The following CACNA2D3 variants were observed in gnomAD, a reference collection of about 807,000 sequenced individuals.
The protein encoded by CACNA2D3 is voltage-dependent calcium channel subunit alpha-2/delta-3.
In CACNA2D3, 60 loss-of-function variants were observed where a neutral mutation model predicts 160.6. The ratio of observed to expected loss-of-function variants is 0.37; its 90% CI spans 0.30 to 0.46. The LOEUF is 0.46. Ranked by LOEUF, CACNA2D3 falls within the 20% of genes least tolerant of loss-of-function variation. The pLI, the probability that CACNA2D3 is intolerant of heterozygous loss-of-function variation, is 1.00. For synonymous variants in CACNA2D3, 558 were observed against 492.9 expected (o/e 1.13, Z -1.75); for missense variants, 1,205 against 1,365.0 (o/e 0.88, Z 1.85).
chr3:54,893,807 C>T (rs763934511), intron 25 of CACNA2D3, among the ~76,000 whole-genome samples: 2 of 152,180 alleles, frequency 1.3e-5, no homozygotes, highest in Non-Finnish European at 2.9e-5. Flanking sequence ...GCCTTCAGTA[C>T]GACTTCTCAC....
intron 3 of CACNA2D3, among the ~76,000 whole-genome samples, chr3:54,356,867 T>C (rs1238478459): frequency 1.3e-5 from 2 of 152,236 alleles, no homozygotes; most frequent in African/African-American, 4.8e-5. Context: ...TGCCAGCACT[T>C]CCTCATTTTA....
At chr3:54,973,581 T>G (rs573932229) in intron 29 of CACNA2D3, among the ~76,000 whole-genome samples, 51 of 152,286 alleles carry the variant, frequency 3.3e-4, no homozygotes, top group African/African-American at 1.2e-3. Flanking sequence ...CAGAAAGACC[T>G]GCTTGAATTA....
At chr3:54,822,795 CTTT>C (rs10548974) in intron 14 of CACNA2D3, among the ~76,000 whole-genome samples, 2,960 of 60,952 alleles carry the variant, frequency 0.049, 40 homozygotes, top group Non-Finnish European at 0.058. Flanking sequence ...TCTTTCCTTT[CTTT>C]CTTTCTTTCT....
chr3:54,383,118 G>C (rs1699130926), intron 3 of CACNA2D3, among the ~76,000 whole-genome samples: 1 of 152,198 alleles, frequency 6.6e-6, no homozygotes, highest in South Asian at 2.1e-4. Flanking sequence ...AAAGTGCTGG[G>C]ATTATACCAC....
intron 4 of CACNA2D3, among the ~76,000 whole-genome samples, chr3:54,476,347 TGA>T (rs1700831271): frequency 1.3e-5 from 2 of 151,834 alleles, no homozygotes; most frequent in African/African-American, 4.8e-5. Flanking sequence ...TTGGCCACTG[TGA>T]ATAATGCTGC....
At chr3:54,600,731 A>C (rs1017847946) in intron 9 of CACNA2D3, among the ~76,000 whole-genome samples, 1 of 151,990 alleles carries the variant, frequency 6.6e-6, no homozygotes, top group African/African-American at 2.4e-5. Context: ...CTTCCTCCCC[A>C]GTTGTCATGA....
chr3:54,997,559 CA>C (rs200939267), intron 31 of CACNA2D3, among the ~76,000 whole-genome samples: 4 of 147,332 alleles, frequency 2.7e-5, no homozygotes, highest in South Asian at 4.3e-4. Context: ...CACCCCCACC[CA>C]AAAAAAAAGA....
At chr3:54,490,689 A>T (rs1307409066) in intron 4 of CACNA2D3, among the ~76,000 whole-genome samples, 3 of 152,210 alleles carry the variant, frequency 2.0e-5, no homozygotes, top group African/African-American at 7.2e-5. Context: ...CCAGGAATCC[A>T]GGGATGCATA....
At chr3:54,391,645 G>A (rs1182181720) in intron 4 of CACNA2D3, among the ~76,000 whole-genome samples, 1 of 151,984 alleles carries the variant, frequency 6.6e-6, no homozygotes, top group East Asian at 1.9e-4. Flanking sequence ...CCAGTAGCTG[G>A]GATTACAGGT....
chr3:54,869,150 G>C (rs1419228994), intron 17 of CACNA2D3, among the ~76,000 whole-genome samples: 1 of 152,172 alleles, frequency 6.6e-6, no homozygotes, highest in Admixed American at 6.5e-5. Flanking sequence ...AACATTTGTT[G>C]CTCTGGAGCT....
intron 25 of CACNA2D3, among the ~76,000 whole-genome samples, chr3:54,891,872 T>C (rs1156997650): frequency 6.6e-6 from 1 of 152,180 alleles, no homozygotes. Flanking sequence ...GTCCTGTTTG[T>C]TTACATTTTA....
Position 54,706,185 on chromosome 3 carries a change from ATCT to A in CACNA2D3, c.1168-46412_1168-46410del, listed in dbSNP as rs549747351. Among the ~76,000 whole-genome samples, 181 of 152,308 alleles carry A rather than the reference ATCT, an allele frequency of 1.2e-3. 1 individual carries two copies. Among genetic ancestry groups the A allele is most frequent in the Non-Finnish European group, 1.1e-3 (74 of 68,036 alleles). Reference sequence around the variant, plus strand: ...TATTTTGATGTATCCAAGTAAAGTCATCTTTTAACATAAGGAGATACCTTCTTG... The same window carrying A: ...TATTTTGATGTATCCAAGTAAAGTCATTTAACATAAGGAGATACCTTCTTG... On this transcript the variant is annotated intron_variant, in intron 11 of 37. Transcript: ENST00000474759.
chr3:54,384,742 CAG>C (rs1231643791), intron 3 of CACNA2D3, among the ~76,000 whole-genome samples: 7 of 152,106 alleles, frequency 4.6e-5, no homozygotes, highest in East Asian at 1.9e-4. Flanking sequence ...GTTTTTGAGA[CAG>C]AGTCTCACTC....
intron 13 of CACNA2D3, among the ~76,000 whole-genome samples, chr3:54,776,323 C>T (rs1264210424): frequency 6.6e-6 from 1 of 152,064 alleles, no homozygotes; most frequent in Non-Finnish European, 1.5e-5. Context: ...AGATGGGCAA[C>T]ATAGTGAGAC....
intron 2 of CACNA2D3, among the ~76,000 whole-genome samples, chr3:54,287,405 G>T (rs1703061458): frequency 6.6e-6 from 1 of 151,334 alleles, no homozygotes; most frequent in South Asian, 2.1e-4. Context: ...TCCCAATACA[G>T]GAGCACCCAG....
intron 2 of CACNA2D3, among the ~76,000 whole-genome samples, chr3:54,219,715 C>A (rs1701529620): frequency 6.6e-6 from 1 of 152,016 alleles, no homozygotes; most frequent in Non-Finnish European, 1.5e-5. Flanking sequence ...TGTTAGAGGA[C>A]CTTCCGGATC....
chr3:54,748,661 C>T (rs1041324147), intron 11 of CACNA2D3, among the ~76,000 whole-genome samples: 3 of 151,918 alleles, frequency 2.0e-5, no homozygotes, highest in Non-Finnish European at 2.9e-5. Context: ...CCTGGCTTTC[C>T]GGGGAGCTCT....
At chr3:54,387,251 A>C (rs1246523878) in intron 4 of CACNA2D3, among the ~76,000 whole-genome samples, 1 of 152,256 alleles carries the variant, frequency 6.6e-6, no homozygotes. Context: ...AATTTCTTGC[A>C]GTAGATCTTG....
chr3:54,768,701 A>G (rs1002245542), intron 13 of CACNA2D3, among the ~76,000 whole-genome samples: 1 of 152,194 alleles, frequency 6.6e-6, no homozygotes, highest in Non-Finnish European at 1.5e-5. Context: ...CACGTGGCCC[A>G]TTACTAAGTA....
Sources: gnomAD v4.1 joint callset for allele counts (sites outside exome capture counted in the v4.1 genomes callset) on GRCh38, gnomAD v4.1.1 for gene constraint, MANE v1.5 for transcripts, NCBI Gene and HGNC (gene_info 2026-07-23, HGNC 2026-07-21) for gene names.